CTNNA2: variants seen among roughly 807,000 people sequenced by gnomAD.
CTNNA2 encodes catenin alpha-2.
A neutral mutation model predicts 101.0 loss-of-function variants in CTNNA2; 42 were observed. The observed-to-expected ratio is 0.42, with a 90% CI of 0.32 to 0.54. The LOEUF (loss-of-function observed/expected upper bound fraction) is 0.54. CTNNA2 is among the 20% of genes least tolerant of loss of function. The pLI is 0.14. For missense variants in CTNNA2, 871 were observed against 1,223.1 expected, an observed-to-expected ratio of 0.71 and a Z score of 4.29; for synonymous variants, 450 against 456.4, an observed-to-expected ratio of 0.99 and a Z score of 0.18.
At chr2:79,936,878 C>T (rs1462019758) in intron 7 of CTNNA2, among the ~76,000 whole-genome samples, 1 of 152,164 alleles carries the variant, frequency 6.6e-6, no homozygotes, top group African/African-American at 2.4e-5. Flanking sequence ...CTTATCTCCT[C>T]CCCACACTCA....
At chr2:79,491,133 GC>G (rs1671204280) in intron 4 of CTNNA2, among the ~76,000 whole-genome samples, 1 of 152,108 alleles carries the variant, frequency 6.6e-6, no homozygotes, top group Non-Finnish European at 1.5e-5. Context: ...TTTGTTGTCT[GC>G]CTACTCTGTA....
chr2:80,048,176 A>G (rs540969917), intron 7 of CTNNA2, among the ~76,000 whole-genome samples: 18 of 152,370 alleles, frequency 1.2e-4, no homozygotes, highest in Admixed American at 2.6e-4. Flanking sequence ...TGAATGTCAT[A>G]TAAACAACAA....
At chr2:79,362,759 T>C (rs563800730) in intron 3 of CTNNA2, among the ~76,000 whole-genome samples, 1 of 152,332 alleles carries the variant, frequency 6.6e-6, no homozygotes, top group South Asian at 2.1e-4. Context: ...ACATTTCTGA[T>C]AGTGGCAGCT....
rs79705946 is a variant in CTNNA2, at chr2:80,027,836, G to T, written c.1056+118039G>T. Reference sequence around the variant, plus strand: ...ATAAAATTAAAAATTAGGTAGACGTGGTCACATGCACCAGTAGTCCCAGCT... The same window carrying T: ...ATAAAATTAAAAATTAGGTAGACGTTGTCACATGCACCAGTAGTCCCAGCT... On this transcript the variant is annotated intron_variant, in intron 7 of 18. Transcript: ENST00000402739. Among the ~76,000 whole-genome samples the T allele has an allele frequency of 2.8e-3, 419 of 151,454 alleles. 1 individual carries two copies. Among genetic ancestry groups the T allele is most frequent in the African/African-American group, 9.3e-3 (385 of 41,362 alleles).
At chr2:80,335,656 A>G (rs2149269874) in intron 7 of CTNNA2, among the ~76,000 whole-genome samples, 1 of 152,284 alleles carries the variant, frequency 6.6e-6, no homozygotes, top group Non-Finnish European at 1.5e-5. Context: ...TTGCACTGGG[A>G]GAGATGACAC....
intron 3 of CTNNA2, among the ~76,000 whole-genome samples, chr2:79,753,090 G>T (rs938649259): frequency 1.3e-5 from 2 of 152,142 alleles, no homozygotes; most frequent in African/African-American, 2.4e-5. Context: ...TATTGGAGAT[G>T]TTTTTCTATT....
chr2:80,431,258 C>A (rs1681479103), intron 9 of CTNNA2, among the ~76,000 whole-genome samples: 1 of 152,158 alleles, frequency 6.6e-6, no homozygotes, highest in South Asian at 2.1e-4. Flanking sequence ...CTGCCCAAGG[C>A]TCAGTGGGTA....
In CTNNA2 at chr2:79,312,318, T is replaced by A. The variant is rs546693808; in HGVS notation, c.-405-391T>A. On this transcript the variant is annotated intron_variant, in intron 2 of 21. Coordinates refer to the CTNNA2 transcript ENST00000466387. ...CATTCTTCTGCAGTTTCCAATAACA[T>A]AGTCAATGTCTTTTTGCTTACTTGT... is the stretch of plus-strand genomic sequence containing the variant. Among the ~76,000 whole-genome samples the A allele has an allele frequency of 1.6e-3, 249 of 152,346 alleles. 2 individuals carry two copies. The South Asian group carries it at 0.021, about 13-fold the overall frequency.
At chr2:80,510,714 A>T (rs1314599240) in intron 9 of CTNNA2, among the ~76,000 whole-genome samples, 2 of 152,218 alleles carry the variant, frequency 1.3e-5, no homozygotes, top group African/African-American at 2.4e-5. Context: ...AAGAAACCTG[A>T]AAAGGTATAA....
chr2:79,279,310 C>T (rs577400620), intron 2 of CTNNA2, among the ~76,000 whole-genome samples: 103 of 152,120 alleles, frequency 6.8e-4, no homozygotes, highest in African/African-American at 2.3e-3. Context: ...GATGGTATAA[C>T]AATTTGTTGC....
At chr2:80,147,353 G>A (rs912604615) in intron 7 of CTNNA2, among the ~76,000 whole-genome samples, 4 of 151,994 alleles carry the variant, frequency 2.6e-5, no homozygotes, top group African/African-American at 9.7e-5. Flanking sequence ...CCACCAACTC[G>A]GCCTCCCAAA....
intron 7 of CTNNA2, among the ~76,000 whole-genome samples, chr2:80,153,286 T>C (rs913287138): frequency 6.6e-6 from 1 of 152,208 alleles, no homozygotes; most frequent in Non-Finnish European, 1.5e-5. Flanking sequence ...GAGCAGCCTA[T>C]GGTCTTGCCC....
At chr2:80,398,913 A>G (rs1322604598) in intron 8 of CTNNA2, among the ~76,000 whole-genome samples, 1 of 151,646 alleles carries the variant, frequency 6.6e-6, no homozygotes, top group African/African-American at 2.4e-5. Context: ...CAAAAATTAG[A>G]ATCAAAAATA....
At chr2:80,259,111 T>A (rs920554520) in intron 7 of CTNNA2, among the ~76,000 whole-genome samples, 5 of 152,116 alleles carry the variant, frequency 3.3e-5, no homozygotes, top group Non-Finnish European at 7.4e-5. Flanking sequence ...TGGCCCTAAT[T>A]AGATCCTCTC....
At chr2:79,999,152 A>G (rs994330646) in intron 7 of CTNNA2, among the ~76,000 whole-genome samples, 6 of 152,110 alleles carry the variant, frequency 3.9e-5, no homozygotes, top group Admixed American at 3.3e-4. Context: ...ATCTGGTGGT[A>G]GAGGCTGTCT....
intron 4 of CTNNA2, among the ~76,000 whole-genome samples, chr2:79,419,957 C>A (rs1484089766): frequency 6.6e-6 from 1 of 152,130 alleles, no homozygotes. Flanking sequence ...CAGCATGTTG[C>A]AGCTTTCATC....
At position 80,496,509 on chromosome 2, in the gene CTNNA2, C is replaced by G. The variant is rs139973166; in HGVS notation, c.1291-48473C>G. Among the ~76,000 whole-genome samples the G allele has an allele frequency of 2.7e-5, 4 of 150,778 alleles. No individual in the cohort carries two copies. The East Asian group carries it at 7.9e-4, about 30-fold the overall frequency. ...TTAAATCTGAGTTTAAATCCAAGCT[C>G]TGCCACTAGCTAGCTAGCTATATGA... On this transcript the variant is annotated intron_variant, in intron 9 of 18. Transcript: ENST00000402739.
At chr2:79,996,780 A>G (rs1446017683) in intron 7 of CTNNA2, among the ~76,000 whole-genome samples, 1 of 152,162 alleles carries the variant, frequency 6.6e-6, no homozygotes, top group Non-Finnish European at 1.5e-5. Context: ...GATTACAGAC[A>G]TGCTGCAGAG....
chr2:80,412,038 C>T (rs932665198), intron 8 of CTNNA2, among the ~76,000 whole-genome samples: 2 of 152,140 alleles, frequency 1.3e-5, no homozygotes, highest in Non-Finnish European at 2.9e-5. Context: ...ACCCAGCAAC[C>T]GTGGGCTCCA....
Sources: allele counts gnomAD v4.1 joint callset (sites outside exome capture counted in the v4.1 genomes callset), GRCh38; gene constraint gnomAD v4.1.1; transcripts MANE v1.5; gene names NCBI Gene and HGNC (gene_info 2026-07-23, HGNC 2026-07-21).